The following C9orf72 variants were observed in gnomAD, a reference collection of about 807,000 sequenced individuals.
C9orf72 encodes C9orf72-SMCR8 complex subunit.
In C9orf72, 44 loss-of-function variants were observed where a neutral mutation model predicts 51.6. The ratio of observed to expected loss-of-function variants is 0.85; its 90% CI spans 0.67 to 1.10. The LOEUF (loss-of-function observed/expected upper bound fraction) is 1.10, where lower values mean the gene tolerates loss of function less well. Among genes scored for constraint, C9orf72 ranks in the 50% least tolerant of loss-of-function variants. The pLI is 0.00. For synonymous variants in C9orf72, 213 were observed against 194.2 expected, an observed-to-expected ratio of 1.10 and a Z score of -0.81; for missense variants, 607 against 570.6, an observed-to-expected ratio of 1.06 and a Z score of -0.65.
intron 6 of C9orf72, chr9:27,559,225 T>A (rs893047564): frequency 6.8e-6 from 1 of 146,626 alleles, no homozygotes; most frequent in East Asian, 2.0e-4. Context: ...AGATAAAAGG[T>A]AAGCTATTCT....
chr9:27,550,557 G>A (rs1281269531), intron 9 of C9orf72, 93 bp downstream of exon 9: 6 of 744,036 alleles, frequency 8.1e-6, no homozygotes, highest in South Asian at 1.9e-5. Flanking sequence ...TGATCCAGGG[G>A]AATATAAATA....
At chr9:27,555,930 G>A (rs1407922216) in intron 8 of C9orf72, among the ~76,000 whole-genome samples, 1 of 150,812 alleles carries the variant, frequency 6.6e-6, no homozygotes. Context: ...CATCTTTTAA[G>A]TGTTTACTTA....
At chr9:27,565,814 G>A (rs1193364687) in intron 2 of C9orf72, among the ~76,000 whole-genome samples, 1 of 152,034 alleles carries the variant, frequency 6.6e-6, no homozygotes, top group African/African-American at 2.4e-5. Context: ...GTGAAAAAAA[G>A]ATAACTTCAC....
intron 1 of C9orf72, among the ~76,000 whole-genome samples, chr9:27,571,474 G>A (rs1819584984): frequency 6.6e-6 from 1 of 152,038 alleles, no homozygotes; most frequent in East Asian, 1.9e-4. Context: ...TTGTTTTTTA[G>A]AGACAGGGTC....
chr9:27,548,039 G>A lies in C9orf72; in HGVS notation c.*197C>T, dbSNP rs1820806138. 1 of 408,022 alleles carries A rather than the reference G, an allele frequency of 2.5e-6. No individual in the cohort carries two copies. The highest frequency in any genetic ancestry group is 4.1e-5 in the Admixed American group (1 of 24,556). The allele number at this position is 408,022 out of a possible 1,614,324, so 25.3% of individuals were successfully genotyped here. A position where few individuals can be genotyped will look rare whatever the true frequency, so the allele number is the denominator to read the frequency against. On this transcript the variant is annotated 3_prime_UTR_variant, in exon 11 of 11. Transcript: ENST00000380003. ...TCTGTATCCCAAAAGCATAAATCTA[G>A]GAAAAGAGACACCCAATGTAATGAT...
rs1331384078 is a variant in C9orf72 at position 27,560,243 on chromosome 9, G to A, written c.722C>T (p.Ala241Val). The change falls in exon 6 of 11, where the codon GCA (alanine) becomes GTA (valine). Residue 241 changes from alanine (A) to valine (V), a missense_variant. Coordinates refer to ENST00000380003, the MANE Select transcript of C9orf72 (RefSeq NM_018325.5). ...CGCSVVVGSS[A>V]EKVNKIVRTL... ...ATAAACTACCTTATTTACTTTCTCT[G>A]CACTGCTACCTACTACAACGGAACA... 6.2e-7 allele frequency: 1 copy of A among 1,607,486 alleles called. No individual in the cohort carries two copies. Among genetic ancestry groups the A allele is most frequent in the Admixed American group, 1.7e-5 (1 of 59,172 alleles).
At chr9:27,573,836 C>G (rs1253004108), upstream of C9orf72, 3 of 152,272 alleles carry the variant, frequency 2.0e-5, no homozygotes, top group Admixed American at 1.3e-4. Flanking sequence ...TGACGCACCT[C>G]TCTTTCCTAG....
chr9:27,563,180 A>C (rs1312086304), intron 3 of C9orf72, among the ~76,000 whole-genome samples: 1 of 152,166 alleles, frequency 6.6e-6, no homozygotes, highest in Non-Finnish European at 1.5e-5. Flanking sequence ...AATCTACCCA[A>C]ATGCAAATCA....
Position 27,566,859 on chromosome 9 carries a change from A to G in C9orf72, c.262T>C (p.Ser88Pro). Reference sequence around the variant, plus strand: ...GAAACAATAATCACTCCCTTTTCAGACAAGACAAAAAACTTTACATCTATA... The same window carrying G: ...GAAACAATAATCACTCCCTTTTCAGGCAAGACAAAAAACTTTACATCTATA... The part of the protein sequence containing the change: ...GAIDVKFFVL[S>P]EKGVIIVSLI... Residue 88 changes from serine to proline, a missense_variant, in exon 2 of 11, where the codon TCT (serine) becomes CCT (proline). By Grantham distance (74) the Ser-to-Pro change is moderately conservative (BLOSUM62 -1). Transcript: ENST00000380003. 6.2e-7 allele frequency: 1 copy of G among 1,614,026 alleles called. No homozygotes were observed. The highest frequency in any genetic ancestry group is 8.5e-7 in the Non-Finnish European group (1 of 1,179,938).
At chr9:27,573,494 CGGGCCCGCCCCCG>C (rs1819639553), upstream of C9orf72, 3 of 109,632 alleles carry the variant, frequency 2.7e-5, no homozygotes, top group Admixed American at 2.0e-4. Flanking sequence ...AGCCCCGCCC[CGGGCCCGCCCCCG>C]GGCCCGCCCC....
At chr9:27,569,073 G>A (rs1464595940) in intron 1 of C9orf72, among the ~76,000 whole-genome samples, 4 of 149,052 alleles carry the variant, frequency 2.7e-5, no homozygotes, top group Admixed American at 6.7e-5. Flanking sequence ...TAACAAAAAC[G>A]ACTAACAAGT....
At chr9:27,566,618 C>T in intron 2 of C9orf72, 59 bp downstream of exon 2, 2 of 1,188,270 alleles carry the variant, frequency 1.7e-6, no homozygotes, top group South Asian at 1.5e-5. Flanking sequence ...TTATATGTAC[C>T]AGAAAATAAG....
chr9:27,555,329 T>C (rs1184427899), intron 8 of C9orf72, among the ~76,000 whole-genome samples: 1 of 152,180 alleles, frequency 6.6e-6, no homozygotes, highest in Non-Finnish European at 1.5e-5. Flanking sequence ...TTGAGATGTA[T>C]AAGGCTGGGG....
chr9:27,559,011 T>C (rs1368405246), intron 6 of C9orf72: 1 of 153,642 alleles, frequency 6.5e-6, no homozygotes, highest in Non-Finnish European at 1.4e-5. Context: ...AAGAAGAGAA[T>C]TAATTATTGA....
rs1179858786 is a variant in C9orf72, at chr9:27,558,485, C to T, written c.855+6G>A. 2 of 1,477,978 alleles carry T rather than the reference C, an allele frequency of 1.4e-6. No individual in the cohort carries two copies. The highest frequency in any genetic ancestry group is 1.8e-5 in the Admixed American group (1 of 54,264). The allele number at this position is 1,477,978 out of a possible 1,614,324, so 91.6% of individuals were successfully genotyped here. On this transcript the variant is annotated splice_donor_region_variant and intron_variant, in intron 7 of 10. Coordinates refer to ENST00000380003, the MANE Select transcript of C9orf72 (RefSeq NM_018325.5). ...TGGTTTCACTTGTGATAACTAGAAACTATACCTTTAGCAGGCCTTGTACAA... is the reference window on the plus strand; with the variant it reads ...TGGTTTCACTTGTGATAACTAGAAATTATACCTTTAGCAGGCCTTGTACAA...
chr9:27,551,755 T>C (rs1265745841), intron 8 of C9orf72, among the ~76,000 whole-genome samples: 3 of 152,080 alleles, frequency 2.0e-5, no homozygotes, highest in East Asian at 1.9e-4. Flanking sequence ...GGACTTATTA[T>C]ACCTGTTCCA....
Position 27,550,718 on chromosome 9 carries a change from G to T in C9orf72, c.1092-11C>A, listed in dbSNP as rs765723104. 1.3e-6 allele frequency: 2 copies of T among 1,510,458 alleles called. No homozygotes were observed. The highest frequency in any genetic ancestry group is 1.8e-6 in the Non-Finnish European group (2 of 1,103,012). The allele number at this position is 1,510,458 out of a possible 1,614,324, so 93.6% of individuals were successfully genotyped here. On this transcript the variant is annotated splice_polypyrimidine_tract_variant and intron_variant, in intron 8 of 10. Coordinates refer to ENST00000380003, the MANE Select transcript of C9orf72 (RefSeq NM_018325.5). ...TCTTGAAAAATATTCCTGAAGAAAAGAAGAAAATGAAGAAAAGAAAAAAGT... is the reference window on the plus strand; with the variant it reads ...TCTTGAAAAATATTCCTGAAGAAAATAAGAAAATGAAGAAAAGAAAAAAGT...
At chr9:27,568,025 G>T (rs1195640348) in intron 1 of C9orf72, among the ~76,000 whole-genome samples, 3 of 131,178 alleles carry the variant, frequency 2.3e-5, no homozygotes, top group African/African-American at 8.6e-5. Flanking sequence ...GCTTTGTTAA[G>T]TAATCTTAGA....
At position 27,548,495 on chromosome 9, in the gene C9orf72, A is replaced by G. The variant is rs1049972951; in HGVS notation, c.1259+62T>C. 2.8e-6 allele frequency: 4 copies of G among 1,434,996 alleles called. No individual in the cohort carries two copies. The African/African-American group carries it at 4.3e-5, about 16-fold the overall frequency. 88.9% of individuals were successfully genotyped at this position (1,434,996 alleles called of 1,614,324 possible). Reference sequence around the variant, plus strand: ...AAAATTATGATATAGAAAATGTACAAAGGAAACAAAACAAAAAAACAATGT... The same window carrying G: ...AAAATTATGATATAGAAAATGTACAGAGGAAACAAAACAAAAAAACAATGT... On this transcript the variant is annotated intron_variant, in intron 10 of 10. Coordinates refer to ENST00000380003, the MANE Select transcript of C9orf72 (RefSeq NM_018325.5).
Sources: allele counts gnomAD v4.1 joint callset (sites outside exome capture counted in the v4.1 genomes callset), GRCh38; gene constraint gnomAD v4.1.1; transcripts MANE v1.5; gene names NCBI Gene and HGNC (gene_info 2026-07-23, HGNC 2026-07-21).